AGBL4: variants seen among roughly 807,000 people sequenced by gnomAD.
The protein encoded by AGBL4 is AGBL carboxypeptidase 4.
In AGBL4, 58 loss-of-function variants were observed where a neutral mutation model predicts 66.4. The observed-to-expected ratio is 0.87, with a 90% CI of 0.71 to 1.09. The LOEUF (loss-of-function observed/expected upper bound fraction) is 1.09. Ranked by LOEUF, AGBL4 falls within the 50% of genes least tolerant of loss-of-function variation. The pLI is 0.00. For missense variants in AGBL4, 579 were observed against 631.0 expected, an observed-to-expected ratio of 0.92 and a Z score of 0.88; for synonymous variants, 234 against 222.9, an observed-to-expected ratio of 1.05 and a Z score of -0.44.
At chr1:48,724,189 G>T (rs1647194306) in intron 6 of AGBL4, among the ~76,000 whole-genome samples, 2 of 152,160 alleles carry the variant, frequency 1.3e-5, no homozygotes, top group African/African-American at 4.8e-5. Flanking sequence ...CCCCTCTCTT[G>T]GGGGGCACAT....
rs143115107 is a variant in AGBL4 at position 49,806,896 on chromosome 1, G to A, written c.157+44500C>T. 3.4e-3 allele frequency among the ~76,000 whole-genome samples: 514 copies of A among 152,272 alleles called. 5 individuals carry two copies. The highest frequency in any genetic ancestry group is 0.012 in the African/African-American group (495 of 41,552). ...CCAGGTTCAGCTCCAGTGGGCCCAG[G>A]TGTGGTACAGGCAGTAGTTGCCACC... is the stretch of plus-strand genomic sequence containing the variant. On this transcript the variant is annotated intron_variant, in intron 2 of 13. Transcript: ENST00000371839.
chr1:49,724,725 TC>T lies in AGBL4; in HGVS notation c.158-27289del, dbSNP rs1648881033. On this transcript the variant is annotated intron_variant, in intron 2 of 13. Transcript: ENST00000371839. ...TGAGGTTATAAGGGTGGGGCTCTGA[TC>T]CAACAGGATTAGTGTTCTTATAAGA... Among the ~76,000 whole-genome samples the T allele has an allele frequency of 2.6e-5, 4 of 152,060 alleles. No homozygotes were observed. In the South Asian group the frequency reaches 8.3e-4, roughly 32 times the overall value.
chr1:49,990,650 T>G lies in AGBL4; in HGVS notation c.34+33113A>C, dbSNP rs1003093348. ...ATACAATCTTTATAAAGCCCTAGGTTGAGTAGTACTAATTGTAATGGCATA... is the reference window on the plus strand; with the variant it reads ...ATACAATCTTTATAAAGCCCTAGGTGGAGTAGTACTAATTGTAATGGCATA... On this transcript the variant is annotated intron_variant, in intron 1 of 13. Transcript: ENST00000371839. Among the ~76,000 whole-genome samples the G allele has an allele frequency of 6.6e-5, 10 of 152,186 alleles. No homozygotes were observed. In the East Asian group the frequency reaches 1.7e-3, roughly 26 times the overall value.
At chr1:49,240,723 A>G (rs992202843) in intron 4 of AGBL4, among the ~76,000 whole-genome samples, 1 of 151,230 alleles carries the variant, frequency 6.6e-6, no homozygotes, top group African/African-American at 2.4e-5. Flanking sequence ...TCTGGTTATC[A>G]CCTGTAGACT....
rs988235924 is a variant in AGBL4, at chr1:48,678,084, G to C, written c.635-14843C>G. Among the ~76,000 whole-genome samples the C allele has an allele frequency of 4.6e-5, 7 of 152,302 alleles. No individual in the cohort carries two copies. The East Asian group carries it at 9.7e-4, about 21-fold the overall frequency. On this transcript the variant is annotated intron_variant, in intron 6 of 13. Coordinates refer to ENST00000371839, the MANE Select transcript of AGBL4 (RefSeq NM_032785.4). Reference sequence around the variant, plus strand: ...GCCGAAGTACCTCGGGAGCTCTGATGGGGCAGTGACAAGCCCAGCCTGTCT... The same window carrying C: ...GCCGAAGTACCTCGGGAGCTCTGATCGGGCAGTGACAAGCCCAGCCTGTCT...
chr1:49,070,322 G>T (rs1052574668), intron 4 of AGBL4, among the ~76,000 whole-genome samples: 1 of 151,842 alleles, frequency 6.6e-6, no homozygotes, highest in Non-Finnish European at 1.5e-5. Context: ...TTTTCAAAGG[G>T]AATACTTCCA....
chr1:49,346,828 C>A (rs940351060), intron 3 of AGBL4, among the ~76,000 whole-genome samples: 1 of 152,276 alleles, frequency 6.6e-6, no homozygotes, highest in African/African-American at 2.4e-5. Flanking sequence ...GGCTTTTGAA[C>A]CAGAGCAACT....
chr1:49,789,440 A>T (rs1173116075), intron 2 of AGBL4, among the ~76,000 whole-genome samples: 1 of 152,160 alleles, frequency 6.6e-6, no homozygotes, highest in African/African-American at 2.4e-5. Context: ...AAACCCCATC[A>T]TCTCAGCCCA....
chr1:49,471,707 C>T (rs1192366733), intron 3 of AGBL4, among the ~76,000 whole-genome samples: 1 of 151,906 alleles, frequency 6.6e-6, no homozygotes, highest in Non-Finnish European at 1.5e-5. Context: ...AGGAAAGAGG[C>T]AGCCCAACAA....
chr1:48,569,141 A>G (rs1644521426), intron 11 of AGBL4, among the ~76,000 whole-genome samples: 1 of 152,170 alleles, frequency 6.6e-6, no homozygotes, highest in African/African-American at 2.4e-5. Flanking sequence ...CCCTATGTCT[A>G]GGTTATAACA....
chr1:49,412,108 C>A (rs1199072387), intron 3 of AGBL4, among the ~76,000 whole-genome samples: 1 of 151,984 alleles, frequency 6.6e-6, no homozygotes, highest in East Asian at 1.9e-4. Flanking sequence ...TAAAAAAAAT[C>A]TGTAGAAAGA....
intron 5 of AGBL4, among the ~76,000 whole-genome samples, chr1:49,001,167 T>G (rs979632660): frequency 2.0e-5 from 3 of 152,242 alleles, no homozygotes; most frequent in Non-Finnish European, 4.4e-5. Context: ...GAGAAGCTTC[T>G]GTGGCCTCCA....
At chr1:49,955,643 G>A (rs1313769051) in intron 1 of AGBL4, among the ~76,000 whole-genome samples, 1 of 151,844 alleles carries the variant, frequency 6.6e-6, no homozygotes, top group Non-Finnish European at 1.5e-5. Flanking sequence ...AAGTAGGGTA[G>A]AGCTCCATTT....
intron 1 of AGBL4, among the ~76,000 whole-genome samples, chr1:49,966,998 A>C (rs1325909040): frequency 6.6e-6 from 1 of 152,158 alleles, no homozygotes; most frequent in African/African-American, 2.4e-5. Flanking sequence ...AGAATGATTT[A>C]TAATCCTTGG....
At chr1:48,655,366 T>A (rs1646003584) in intron 7 of AGBL4, among the ~76,000 whole-genome samples, 1 of 152,088 alleles carries the variant, frequency 6.6e-6, no homozygotes, top group African/African-American at 2.4e-5. Context: ...TGGGGAAGAC[T>A]GAGAGGGCAT....
At chr1:49,509,819 C>T (rs1649043909) in intron 3 of AGBL4, among the ~76,000 whole-genome samples, 1 of 151,798 alleles carries the variant, frequency 6.6e-6, no homozygotes. Context: ...ATATTACCTC[C>T]CACAATGTTG....
chr1:49,975,053 A>G lies in AGBL4; in HGVS notation c.34+48710T>C, dbSNP rs570024060. Among the ~76,000 whole-genome samples the G allele has an allele frequency of 1.5e-3, 230 of 152,288 alleles. 1 individual carries two copies. Among genetic ancestry groups the G allele is most frequent in the Non-Finnish European group, 2.1e-3 (144 of 68,006 alleles). Reference sequence around the variant, plus strand: ...TCAAATGATGTGGTAGTTGCTATAGAAACTATTCTCTTTTAATGAAACTCA... The same window carrying G: ...TCAAATGATGTGGTAGTTGCTATAGGAACTATTCTCTTTTAATGAAACTCA... On this transcript the variant is annotated intron_variant, in intron 1 of 13. Coordinates refer to ENST00000371839, the MANE Select transcript of AGBL4 (RefSeq NM_032785.4).
Position 49,150,272 on chromosome 1 carries a change from G to A in AGBL4, c.377+95498C>T, listed in dbSNP as rs558942320. Among the ~76,000 whole-genome samples, 9 of 152,162 alleles carry A rather than the reference G, an allele frequency of 5.9e-5. No individual in the cohort carries two copies. The South Asian group carries it at 1.9e-3, about 32-fold the overall frequency. On this transcript the variant is annotated intron_variant, in intron 4 of 13. Coordinates refer to ENST00000371839, the MANE Select transcript of AGBL4 (RefSeq NM_032785.4). ...GTCGTTCCTCCCTTACAACTGAAGG[G>A]TCACTACAAGTCGCACCTATGCACC...
chr1:49,712,570 T>C lies in AGBL4; in HGVS notation c.158-15133A>G, dbSNP rs372847917. 3.4e-4 allele frequency among the ~76,000 whole-genome samples: 51 copies of C among 151,976 alleles called. 2 individuals are homozygous for C. In the East Asian group the frequency reaches 6.6e-3, roughly 20 times the overall value. On this transcript the variant is annotated intron_variant, in intron 2 of 13. Coordinates refer to ENST00000371839, the MANE Select transcript of AGBL4 (RefSeq NM_032785.4). ...GGACTATAGTTAATAATATTGCATA[T>C]TGAAAATTTGCTGAGAGTAGATTTT... is the stretch of plus-strand genomic sequence containing the variant.
Sources: allele counts gnomAD v4.1 joint callset (sites outside exome capture counted in the v4.1 genomes callset), GRCh38; gene constraint gnomAD v4.1.1; transcripts MANE v1.5; gene names NCBI Gene and HGNC (gene_info 2026-07-23, HGNC 2026-07-21).